Variants in CFAP58 observed in about 807,000 individuals in gnomAD.
CFAP58 encodes the protein cilia and flagella associated protein 58.
Under a neutral mutation model 119.5 loss-of-function variants are expected in CFAP58, and 88 were observed. The observed-to-expected ratio is 0.74, with a 90% CI of 0.62 to 0.88. The LOEUF is 0.88. Among genes scored for constraint, CFAP58 ranks in the 40% least tolerant of loss-of-function variants. The pLI, the probability that CFAP58 is intolerant of heterozygous loss-of-function variation, is 0.00. For missense variants in CFAP58, 990 were observed against 1,021.2 expected (o/e 0.97, Z 0.42); for synonymous variants, 365 against 366.3 (o/e 1.00, Z 0.04).
intron 9 of CFAP58, among the ~76,000 whole-genome samples, chr10:104,384,503 A>G (rs1424022765): frequency 6.6e-6 from 1 of 152,236 alleles, no homozygotes; most frequent in Non-Finnish European, 1.5e-5. Context: ...CCTGAGAACC[A>G]AAGAAAGAGA....
intron 13 of CFAP58, among the ~76,000 whole-genome samples, chr10:104,401,348 GA>G (rs900876660): frequency 7.2e-5 from 11 of 152,188 alleles, no homozygotes; most frequent in African/African-American, 2.7e-4. Context: ...AAAAGAGGTG[GA>G]AAATATAATT....
At chr10:104,452,254 A>G (rs920870456) in intron 17 of CFAP58, among the ~76,000 whole-genome samples, 1 of 152,076 alleles carries the variant, frequency 6.6e-6, no homozygotes, top group African/African-American at 2.4e-5. Flanking sequence ...ATAAAATAGT[A>G]AGAAATAATA....
intron 9 of CFAP58, among the ~76,000 whole-genome samples, chr10:104,386,181 C>T (rs1278899984): frequency 6.0e-5 from 9 of 151,058 alleles, no homozygotes; most frequent in Admixed American, 5.9e-4. Flanking sequence ...AGTTCAAGTC[C>T]AGCCTGGCCA....
chr10:104,438,521 G>A (rs1435210684), intron 15 of CFAP58, among the ~76,000 whole-genome samples: 1 of 151,436 alleles, frequency 6.6e-6, no homozygotes, highest in Non-Finnish European at 1.5e-5. Context: ...GACTACAGGC[G>A]CCCGCCACAG....
chr10:104,399,418 A>AAG lies in CFAP58; in HGVS notation c.1735_1736dup (p.Ala580LysfsTer10). On this transcript the variant is annotated frameshift_variant, in exon 12 of 18. Transcript: ENST00000369704. LOFTEE classifies it high-confidence loss of function. ...GAGACAAAACACTTTATTGAAAAGC[A>AAG]AGAAGCTGAAGAGAGAAAACTCCTG... The AAG allele has an allele frequency of 6.2e-7, 1 of 1,613,908 alleles. No individual in the cohort carries two copies. The highest frequency in any genetic ancestry group is 1.3e-5 in the African/African-American group (1 of 75,032).
In CFAP58 at chr10:104,448,146, G is replaced by C. The variant is rs565762269; in HGVS notation, c.2376+329G>C. On this transcript the variant is annotated intron_variant, in intron 16 of 17. Coordinates refer to ENST00000369704, the MANE Select transcript of CFAP58 (RefSeq NM_001008723.2). ...ATTTATTAGAGTACTTGAAGGGCAG[G>C]GAGGAGCAAAGGAAATATTTTAACA... Among the ~76,000 whole-genome samples the C allele has an allele frequency of 2.6e-5, 4 of 152,308 alleles. No individual in the cohort carries two copies. In the South Asian group the frequency reaches 8.3e-4, roughly 32 times the overall value.
intron 9 of CFAP58, among the ~76,000 whole-genome samples, chr10:104,383,112 T>C (rs952511735): frequency 4.6e-5 from 7 of 152,166 alleles, no homozygotes; most frequent in African/African-American, 1.4e-4. Context: ...ACCTCTTTGT[T>C]CTCTGTGGAA....
chr10:104,429,026 T>C (rs2012799142), intron 15 of CFAP58, among the ~76,000 whole-genome samples: 1 of 152,094 alleles, frequency 6.6e-6, no homozygotes, highest in African/African-American at 2.4e-5. Context: ...GCACAGAGGA[T>C]CCATTGATTT....
At chr10:104,430,007 C>G (rs537426549) in intron 15 of CFAP58, among the ~76,000 whole-genome samples, 2 of 152,154 alleles carry the variant, frequency 1.3e-5, no homozygotes, top group East Asian at 3.9e-4. Context: ...GGTACATAAT[C>G]AGGATAGCAG....
At chr10:104,411,507 T>C (rs79110959) in intron 15 of CFAP58, among the ~76,000 whole-genome samples, 4,023 of 152,284 alleles carry the variant, frequency 0.026, 124 homozygotes, top group African/African-American at 0.075. Flanking sequence ...TTTTTCTTTT[T>C]GTGTTTTGTG....
At chr10:104,419,861 A>C (rs1240346159) in intron 15 of CFAP58, among the ~76,000 whole-genome samples, 2 of 152,196 alleles carry the variant, frequency 1.3e-5, no homozygotes, top group African/African-American at 4.8e-5. Flanking sequence ...CGTGTTAAAA[A>C]TTTAGCATAA....
chr10:104,447,546 C>A (rs1242015488), intron 15 of CFAP58, 152 bp from the exon 16 acceptor site: 12 of 922,420 alleles, frequency 1.3e-5, no homozygotes, highest in South Asian at 6.6e-5. Flanking sequence ...TGTTTCAATG[C>A]ATGACTGAAT....
chr10:104,408,011 T>G (rs1476511645), intron 15 of CFAP58, among the ~76,000 whole-genome samples: 1 of 152,214 alleles, frequency 6.6e-6, no homozygotes, highest in African/African-American at 2.4e-5. Context: ...GCCCATAATT[T>G]TAATCACTAG....
intron 15 of CFAP58, among the ~76,000 whole-genome samples, chr10:104,433,359 A>T (rs181362955): frequency 6.6e-6 from 1 of 152,336 alleles, no homozygotes; most frequent in Admixed American, 6.5e-5. Flanking sequence ...GAGCACCGGC[A>T]TTACAGGCAA....
At chr10:104,376,450 C>T (rs1015696972) in intron 7 of CFAP58, among the ~76,000 whole-genome samples, 10 of 149,882 alleles carry the variant, frequency 6.7e-5, no homozygotes, top group African/African-American at 2.5e-4. Context: ...GGTTGTAGAG[C>T]CGAGATTGTG....
At chr10:104,451,111 G>T (rs2013189027) in intron 17 of CFAP58, among the ~76,000 whole-genome samples, 1 of 152,150 alleles carries the variant, frequency 6.6e-6, no homozygotes, top group East Asian at 1.9e-4. Flanking sequence ...ACTTGGTTTG[G>T]CTGCGTGACA....
chr10:104,423,679 C>T (rs746716981), intron 15 of CFAP58, among the ~76,000 whole-genome samples: 19 of 152,018 alleles, frequency 1.2e-4, no homozygotes, highest in Non-Finnish European at 2.4e-4. Flanking sequence ...GTTATTGAAT[C>T]TGTATACAAT....
At position 104,383,753 on chromosome 10, in the gene CFAP58, A is replaced by AACACACAC. The variant is rs59181888; in HGVS notation, c.1365+3556_1365+3563dup. Among the ~76,000 whole-genome samples the AACACACAC allele has an allele frequency of 3.4e-3, 491 of 145,946 alleles. 3 individuals carry two copies. The highest frequency in any genetic ancestry group is 8.6e-3 in the African/African-American group (339 of 39,258). On this transcript the variant is annotated intron_variant, in intron 9 of 17. Transcript: ENST00000369704. ...ATATTTCTTTCTTTCTTTACTGTCC[A>AACACACAC]ACACACACACACACACACACACACA...
At chr10:104,349,338 C>CA (rs1166338613), upstream of CFAP58, among the ~76,000 whole-genome samples, 1 of 151,888 alleles carries the variant, frequency 6.6e-6, no homozygotes, top group African/African-American at 2.4e-5. Flanking sequence ...AGTCCAAGAT[C>CA]AAAGTGTCAG....
Sources: gnomAD v4.1 joint callset for allele counts (sites outside exome capture counted in the v4.1 genomes callset) on GRCh38, gnomAD v4.1.1 for gene constraint, MANE v1.5 for transcripts, NCBI Gene and HGNC (gene_info 2026-07-23, HGNC 2026-07-21) for gene names.